HEY1: variants seen among roughly 807,000 people sequenced by gnomAD.
HEY1 encodes the protein hairy/enhancer-of-split related with YRPW motif protein 1.
A neutral mutation model predicts 28.7 loss-of-function variants in HEY1; 9 were observed. The ratio of observed to expected loss-of-function variants is 0.31; its 90% CI spans 0.19 to 0.55. The LOEUF (loss-of-function observed/expected upper bound fraction) is 0.55, where lower values mean the gene tolerates loss of function less well. Among genes scored for constraint, HEY1 ranks in the 20% least tolerant of loss-of-function variants. The pLI is 0.93. For missense variants in HEY1, 385 were observed against 399.4 expected (o/e 0.96, Z 0.31); for synonymous variants, 213 against 175.6 (o/e 1.21, Z -1.68).
rs777782411 is a variant in HEY1, at chr8:79,765,406, G to T, written c.697C>A (p.Pro233Thr). 1 of 1,609,024 alleles carries T rather than the reference G, an allele frequency of 6.2e-7. No homozygotes were observed. The highest frequency in any genetic ancestry group is 8.5e-7 in the Non-Finnish European group (1 of 1,177,774). The change falls in exon 5 of 5, where the codon CCT (proline) becomes ACT (threonine). Residue 233 changes from proline to threonine, a missense_variant. Pro to Thr is a conservative substitution (Grantham distance 38). Coordinates refer to ENST00000354724, the MANE Select transcript of HEY1 (RefSeq NM_012258.4). Reference sequence around the variant, plus strand: ...AGCACCGGTCCGAGGCTGCCGCTAGGGGGCGCTCGCAAAGCAGGCGCCTCC... The same window carrying T: ...AGCACCGGTCCGAGGCTGCCGCTAGTGGGCGCTCGCAAAGCAGGCGCCTCC... ...HPEAPALRAPPSGSLGPVLPV... is the reference protein window; with the variant it reads ...HPEAPALRAPTSGSLGPVLPV...
At position 79,765,616 on chromosome 8, in the gene HEY1, A is replaced by T; in HGVS notation, c.487T>A (p.Ser163Thr). Residue 163 changes from serine to threonine, a missense_variant, in exon 5 of 5, where the codon TCC becomes ACC. By Grantham distance (58) the Ser-to-Thr change is moderately conservative (BLOSUM62 1). Coordinates refer to ENST00000354724, the MANE Select transcript of HEY1 (RefSeq NM_012258.4). ...GCGCCGCTCGCGGCTTCCCGCTGGGAAGCGTAGTTGTTGAGATGCGAAACC... is the reference window on the plus strand; with the variant it reads ...GCGCCGCTCGCGGCTTCCCGCTGGGTAGCGTAGTTGTTGAGATGCGAAACC... ...RLVSHLNNYA[S>T]QREAASGAHA... is the part of the protein sequence containing the mutation. 1.2e-6 allele frequency: 2 copies of T among 1,614,138 alleles called. No homozygotes were observed. The highest frequency in any genetic ancestry group is 1.1e-5 in the South Asian group (1 of 91,084).
chr8:79,767,081 C>T lies in HEY1; in HGVS notation c.177G>A (p.Lys59=). ...TGTTATTGATCCGGTCTCGTCGGCG[C>T]TTCTCAATTATCTGCAGAAGGCAAG... The part of the protein sequence containing the change: ...ARKRRRGIIE[K]RRRDRINNSL... The change falls in exon 3 of 5, where the codon AAG becomes AAA. Residue 59 remains lysine (K), a synonymous_variant. Coordinates refer to ENST00000354724, the MANE Select transcript of HEY1 (RefSeq NM_012258.4). 2 of 1,613,968 alleles carry T rather than the reference C, an allele frequency of 1.2e-6. No individual in the cohort carries two copies. The highest frequency in any genetic ancestry group is 8.5e-7 in the Non-Finnish European group (1 of 1,179,922).
chr8:79,765,194 AG>A lies in HEY1; in HGVS notation c.908del (p.Ala303ValfsTer7). ...PYRPWGTEIG[A>X]F ...CTCATTCTACATCAGTTCTTTAAAA[AG>A]CTCCGATCTCCGTCCCCCAAGGTCT... is the stretch of plus-strand genomic sequence containing the variant. On this transcript the variant is annotated frameshift_variant, in exon 5 of 5. Coordinates refer to ENST00000354724, the MANE Select transcript of HEY1 (RefSeq NM_012258.4). LOFTEE classifies it high-confidence loss of function. 1 of 1,543,482 alleles carries A rather than the reference AG, an allele frequency of 6.5e-7. No individual in the cohort carries two copies. The highest frequency in any genetic ancestry group is 8.8e-7 in the Non-Finnish European group (1 of 1,142,770).
intron 3 of HEY1, 50 bp from the exon 4 acceptor site, chr8:79,766,782 A>C: frequency 6.4e-7 from 1 of 1,566,096 alleles, no homozygotes; most frequent in Non-Finnish European, 8.8e-7. Context: ...TCCTTTGGGG[A>C]ACAATTTAAA....
In HEY1 at chr8:79,765,385, C is replaced by T. The variant is rs1162036011; in HGVS notation, c.718G>A (p.Val240Met). The change falls in exon 5 of 5, where the codon GTG (valine) becomes ATG (methionine). Residue 240 changes from valine to methionine, a missense_variant. By Grantham distance (21) the Val-to-Met change is conservative (BLOSUM62 1). Coordinates refer to ENST00000354724, the MANE Select transcript of HEY1 (RefSeq NM_012258.4). ...RAPPSGSLGP[V>M]LPVVTSASKL... is the part of the protein sequence containing the mutation. ...GAGGCGGAGGTGACCACAGGGAGCA[C>T]CGGTCCGAGGCTGCCGCTAGGGGGC... is the stretch of plus-strand genomic sequence containing the variant. 3 of 1,599,212 alleles carry T rather than the reference C, an allele frequency of 1.9e-6. No individual in the cohort carries two copies. Among genetic ancestry groups the T allele is most frequent in the Non-Finnish European group, 2.6e-6 (3 of 1,173,054 alleles).
At chr8:79,766,314 A>G in intron 4 of HEY1, 1 of 1,512,898 alleles carries the variant, frequency 6.6e-7, no homozygotes, top group South Asian at 1.3e-5. Context: ...AAGACCACAT[A>G]TTGTTTTTAA....
At position 79,767,286 on chromosome 8, in the gene HEY1, C is replaced by A. The variant is rs1027966515; in HGVS notation, c.98G>T (p.Ser33Ile). 1 of 1,611,318 alleles carries A rather than the reference C, an allele frequency of 6.2e-7. No individual in the cohort carries two copies. The highest frequency in any genetic ancestry group is 8.5e-7 in the Non-Finnish European group (1 of 1,179,248). Reference sequence around the variant, plus strand: ...TGGGGACATGGAACCTAGAGCCGAACTCAAGTTTCTGAAAAGAGAAAAAGA... The same window carrying A: ...TGGGGACATGGAACCTAGAGCCGAAATCAAGTTTCTGAAAAGAGAAAAAGA... ...KESADENGNL[S>I]SALGSMSPTT... Residue 33 changes from serine (S) to isoleucine (I), a missense_variant, in exon 2 of 5, where the codon AGT becomes ATT. By Grantham distance (142) the Ser-to-Ile change is moderately radical. Around this residue, in one of 3 missense-constraint regions of HEY1, gnomAD observed 79 missense variants for 60.7 expected, o/e 1.30. Transcript: ENST00000354724.
In HEY1 at chr8:79,765,245, C is replaced by A. The variant is rs1263556372; in HGVS notation, c.858G>T (p.Gln286His). 1 of 1,553,858 alleles carries A rather than the reference C, an allele frequency of 6.4e-7. No homozygotes were observed. Residue 286 changes from glutamine to histidine, a missense_variant, in exon 5 of 5, where the codon CAG (glutamine) becomes CAT (histidine). Physicochemically the swap from Gln to His is conservative, Grantham distance 24. Transcript: ENST00000354724. ...PNALSPSAPT[Q>H]AANLGKPYRP... is the part of the protein sequence containing the mutation. ...TATAGGGCTTGCCAAGGTTTGCAGC[C>A]TGCGTGGGTGCTGAAGGGCTCAGTG...
intron 1 of HEY1, 54 bp downstream of exon 1, chr8:79,767,521 G>A: frequency 6.6e-7 from 1 of 1,513,736 alleles, no homozygotes; most frequent in Non-Finnish European, 9.0e-7. Context: ...ACCGCGGCAG[G>A]CCTGCGCTCG....
In HEY1 at chr8:79,764,319, A is replaced by T. The variant is rs1452755441; in HGVS notation, c.*869T>A. On this transcript the variant is annotated 3_prime_UTR_variant, in exon 5 of 5. Transcript: ENST00000354724. Reference sequence around the variant, plus strand: ...TTTCCACTGTACTACTCAATTGACCACTCGCACACCATGATCACTTATCCA... The same window carrying T: ...TTTCCACTGTACTACTCAATTGACCTCTCGCACACCATGATCACTTATCCA... The T allele has an allele frequency of 4.4e-6, 1 of 226,102 alleles. No homozygotes were observed. The highest frequency in any genetic ancestry group is 2.2e-5 in the African/African-American group (1 of 44,896). 14.0% of individuals were successfully genotyped at this position (226,102 alleles called of 1,614,324 possible). A position where few individuals can be genotyped will look rare whatever the true frequency, so the allele number is the denominator to read the frequency against.
In HEY1 at chr8:79,767,183, A is replaced by G. The variant is rs547271760; in HGVS notation, c.165+36T>C. On this transcript the variant is annotated intron_variant, in intron 2 of 4. Coordinates refer to ENST00000354724, the MANE Select transcript of HEY1 (RefSeq NM_012258.4). ...AAAAGGTGGTTATTTCCGTTAATCA[A>G]TAACAAAAATAAAAGGAGAGTGTAA... 2.0e-5 allele frequency: 32 copies of G among 1,589,048 alleles called. No homozygotes were observed. In the South Asian group the frequency reaches 3.5e-4, roughly 17 times the overall value.
chr8:79,765,121 G>C lies in HEY1; in HGVS notation c.*67C>G. 9.1e-7 allele frequency: 1 copy of C among 1,100,394 alleles called. No individual in the cohort carries two copies. Among genetic ancestry groups the C allele is most frequent in the Non-Finnish European group, 1.3e-6 (1 of 790,422 alleles). 68.2% of individuals were successfully genotyped at this position (1,100,394 alleles called of 1,614,324 possible). Reference sequence around the variant, plus strand: ...TTACTTTTACTGACGACTTTAAGGTGATGTTGGCAACAGTCCAGCCCAGCT... The same window carrying C: ...TTACTTTTACTGACGACTTTAAGGTCATGTTGGCAACAGTCCAGCCCAGCT... On this transcript the variant is annotated 3_prime_UTR_variant, in exon 5 of 5. Transcript: ENST00000354724.
chr8:79,765,362 G>A lies in HEY1; in HGVS notation c.741C>T (p.Ala247=). ...AGAGCAGAGGCGGCGACAGTTTGGA[G>A]GCGGAGGTGACCACAGGGAGCACCG... ...LGPVLPVVTS[A]SKLSPPLLSS... The change falls in exon 5 of 5, where the codon GCC becomes GCT. Residue 247 remains alanine, a synonymous_variant. Transcript: ENST00000354724. The A allele has an allele frequency of 1.3e-6, 2 of 1,586,624 alleles. No homozygotes were observed. Among genetic ancestry groups the A allele is most frequent in the Non-Finnish European group, 1.7e-6 (2 of 1,166,346 alleles).
chr8:79,767,616 G>C lies in HEY1; in HGVS notation c.48C>G (p.Asp16Glu), dbSNP rs992116945. The C allele has an allele frequency of 2.5e-6, 4 of 1,610,448 alleles. No individual in the cohort carries two copies. The highest frequency in any genetic ancestry group is 3.4e-6 in the Non-Finnish European group (4 of 1,178,904). ...TCTCCTTCTCCACCTCGATGGTCTCGTCCAGCTCGCTGTCCGAGGAGCTGT... is the reference window on the plus strand; with the variant it reads ...TCTCCTTCTCCACCTCGATGGTCTCCTCCAGCTCGCTGTCCGAGGAGCTGT... ...PEYSSSDSELDETIEVEKESA... is the reference protein window; with the variant it reads ...PEYSSSDSELEETIEVEKESA... Residue 16 changes from aspartate to glutamate, a missense_variant, in exon 1 of 5, where the codon GAC becomes GAG. Transcript: ENST00000354724.
intron 4 of HEY1, 95 bp downstream of exon 4, chr8:79,766,556 G>T: frequency 3.2e-6 from 5 of 1,572,886 alleles, no homozygotes; most frequent in South Asian, 2.3e-5. Flanking sequence ...CACCCCCAAA[G>T]AAAAATCAGG....
intron 4 of HEY1, among the ~76,000 whole-genome samples, 194 bp from the exon 5 acceptor site, chr8:79,765,965 G>A (rs1310054856): frequency 6.6e-6 from 1 of 152,212 alleles, no homozygotes; most frequent in African/African-American, 2.4e-5. Flanking sequence ...GCTAATGCAA[G>A]TTCAAAGCCC....
intron 4 of HEY1, chr8:79,766,178 C>T (rs1397349982): frequency 6.6e-7 from 1 of 1,512,066 alleles, no homozygotes; most frequent in Non-Finnish European, 8.8e-7. Flanking sequence ...AAGCATTTTC[C>T]TGCTGGAGAG....
At position 79,765,629 on chromosome 8, in the gene HEY1, G is replaced by C; in HGVS notation, c.474C>G (p.Leu158=). Residue 158 remains leucine (L), a synonymous_variant, in exon 5 of 5, where the codon CTC becomes CTG. Coordinates refer to ENST00000354724, the MANE Select transcript of HEY1 (RefSeq NM_012258.4). ...CTTCCCGCTGGGAAGCGTAGTTGTT[G>C]AGATGCGAAACCAGTCGAACTCGAA... is the stretch of plus-strand genomic sequence containing the variant. ...DPLRVRLVSH[L]NNYASQREAA... is the part of the protein sequence containing the mutation. The C allele has an allele frequency of 6.2e-7, 1 of 1,614,242 alleles. No homozygotes were observed. Among genetic ancestry groups the C allele is most frequent in the Non-Finnish European group, 8.5e-7 (1 of 1,180,046 alleles).
Position 79,767,658 on chromosome 8 carries a change from C to T in HEY1, c.6G>A (p.Lys2=). M[K]RAHPEYSSSD... is the part of the protein sequence containing the mutation. ...AGGAGCTGTACTCGGGGTGAGCTCG[C>T]TTCATGCTGGCTCCCTGGGGGTTCC... The change falls in exon 1 of 5, where the codon AAG becomes AAA. Residue 2 remains lysine, a synonymous_variant. Coordinates refer to ENST00000354724, the MANE Select transcript of HEY1 (RefSeq NM_012258.4). 1 of 1,597,254 alleles carries T rather than the reference C, an allele frequency of 6.3e-7. No individual in the cohort carries two copies. The highest frequency in any genetic ancestry group is 1.1e-5 in the South Asian group (1 of 87,870).
Sources: allele counts gnomAD v4.1 joint callset (sites outside exome capture counted in the v4.1 genomes callset), GRCh38; gene constraint gnomAD v4.1.1; regional missense constraint gnomAD v4.1.1; transcripts MANE v1.5; gene names NCBI Gene and HGNC (gene_info 2026-07-23, HGNC 2026-07-21).